RAP1GAP2: variants seen among roughly 807,000 people sequenced by gnomAD.
RAP1GAP2 encodes rap1 GTPase-activating protein 2.
In RAP1GAP2, 27 loss-of-function variants were observed where a neutral mutation model predicts 95.0. That is an observed-to-expected ratio of 0.28 (90% CI 0.21 to 0.39). The LOEUF is 0.39. Ranked by LOEUF, RAP1GAP2 falls within the 10% of genes least tolerant of loss-of-function variation. The pLI, the probability that RAP1GAP2 is intolerant of heterozygous loss-of-function variation, is 1.00. For synonymous variants in RAP1GAP2, 373 were observed against 380.9 expected (o/e 0.98, Z 0.24); for missense variants, 771 against 970.0 (o/e 0.79, Z 2.72).
chr17:2,848,701 A>AT (rs1331529056), intron 2 of RAP1GAP2, among the ~76,000 whole-genome samples: 16 of 151,928 alleles, frequency 1.1e-4, no homozygotes, highest in African/African-American at 3.9e-4. Flanking sequence ...TTTAGTAGAG[A>AT]CGGGGTTTCA....
intron 3 of RAP1GAP2, among the ~76,000 whole-genome samples, chr17:2,931,280 T>TTATGTGTG (rs1491294566): frequency 6.8e-6 from 1 of 146,666 alleles, no homozygotes; most frequent in Non-Finnish European, 1.5e-5. Context: ...TGAGTGTTTC[T>TTATGTGTG]TGTGTGTGTG....
intron 2 of RAP1GAP2, among the ~76,000 whole-genome samples, chr17:2,834,705 G>C (rs1476250175): frequency 6.6e-6 from 1 of 152,046 alleles, no homozygotes; most frequent in East Asian, 1.9e-4. Flanking sequence ...GCTGAAGTGG[G>C]AGGACTGCTT....
chr17:2,859,531 G>A (rs557195344), intron 2 of RAP1GAP2, among the ~76,000 whole-genome samples: 1 of 151,922 alleles, frequency 6.6e-6, no homozygotes, highest in Non-Finnish European at 1.5e-5. Flanking sequence ...CGCCTCCTGG[G>A]CTCGAGTGAT....
chr17:3,028,131 C>T (rs1183153328), intron 22 of RAP1GAP2, among the ~76,000 whole-genome samples: 1 of 150,998 alleles, frequency 6.6e-6, no homozygotes, highest in Non-Finnish European at 1.5e-5. Context: ...TTTCTCCAAG[C>T]AGAAAATGAA....
chr17:2,932,416 C>T (rs1272654505), intron 3 of RAP1GAP2, among the ~76,000 whole-genome samples: 2 of 151,826 alleles, frequency 1.3e-5, no homozygotes, highest in East Asian at 1.9e-4. Flanking sequence ...GTGTGGGACC[C>T]GGAGCTCAGG....
intron 1 of RAP1GAP2, among the ~76,000 whole-genome samples, chr17:2,760,937 A>AT (rs1475086545): frequency 1.4e-5 from 2 of 138,784 alleles, no homozygotes; most frequent in African/African-American, 5.7e-5. Context: ...GATGGGTGCC[A>AT]TTTTCTTTTC....
intron 2 of RAP1GAP2, among the ~76,000 whole-genome samples, chr17:2,810,692 G>A (rs1052105249): frequency 3.3e-5 from 5 of 151,800 alleles, no homozygotes; most frequent in African/African-American, 9.7e-5. Context: ...CACCACACCC[G>A]GCTAATTTTT....
chr17:2,872,051 T>C (rs2072868199), intron 2 of RAP1GAP2, among the ~76,000 whole-genome samples: 1 of 151,788 alleles, frequency 6.6e-6, no homozygotes, highest in African/African-American at 2.4e-5. Flanking sequence ...TGGTCTCTAC[T>C]AAAAATACAA....
At chr17:2,976,411 GAA>G (rs1250298826) in intron 8 of RAP1GAP2, among the ~76,000 whole-genome samples, 1 of 151,976 alleles carries the variant, frequency 6.6e-6, no homozygotes, top group Non-Finnish European at 1.5e-5. Flanking sequence ...TACTGGAGGG[GAA>G]AAAATCTCAT....
At chr17:2,995,882 G>A (rs375300046) in intron 13 of RAP1GAP2, among the ~76,000 whole-genome samples, 24 of 152,290 alleles carry the variant, frequency 1.6e-4, no homozygotes, top group African/African-American at 5.5e-4. Flanking sequence ...GCAGATGGGG[G>A]CCTGAAGCCG....
chr17:2,833,508 G>A (rs1354768366), intron 2 of RAP1GAP2, among the ~76,000 whole-genome samples: 6 of 151,652 alleles, frequency 4.0e-5, no homozygotes. Context: ...GGCTAACACG[G>A]TGAAACCCCG....
chr17:2,817,669 T>C (rs60316976), intron 2 of RAP1GAP2, among the ~76,000 whole-genome samples: 75,535 of 113,412 alleles, frequency 0.67, 32,627 homozygotes, highest in African/African-American at 0.9. Context: ...CACAGGCGCC[T>C]GCCACCACAC....
chr17:2,768,270 C>T (rs2068314572), intron 1 of RAP1GAP2, among the ~76,000 whole-genome samples: 1 of 152,174 alleles, frequency 6.6e-6, no homozygotes, highest in South Asian at 2.1e-4. Context: ...AAGTGACATT[C>T]CCACTGATAA....
At chr17:2,975,297 T>G (rs2045063160) in intron 8 of RAP1GAP2, among the ~76,000 whole-genome samples, 1 of 152,114 alleles carries the variant, frequency 6.6e-6, no homozygotes. Flanking sequence ...ATAAATAGAT[T>G]AAATTAGCCT....
At chr17:2,978,652 G>A (rs911071387) in intron 8 of RAP1GAP2, among the ~76,000 whole-genome samples, 2 of 152,126 alleles carry the variant, frequency 1.3e-5, no homozygotes, top group Admixed American at 6.6e-5. Context: ...AATTGACTTC[G>A]GCCGGGTGCT....
chr17:2,998,442 A>G (rs2046041857), intron 14 of RAP1GAP2, 66 bp downstream of exon 14: 3 of 1,551,278 alleles, frequency 1.9e-6, no homozygotes, highest in Non-Finnish European at 2.7e-6. Flanking sequence ...GGATGCTGTG[A>G]TATCAGAGGA....
At chr17:2,809,810 C>T (rs2069679212) in intron 2 of RAP1GAP2, among the ~76,000 whole-genome samples, 1 of 152,200 alleles carries the variant, frequency 6.6e-6, no homozygotes, top group South Asian at 2.1e-4. Context: ...GTCAGGACAC[C>T]CCTCTCCAGC....
In RAP1GAP2 at chr17:2,818,104, G is replaced by A. The variant is rs71359183; in HGVS notation, c.80+17554G>A. 1.1e-3 allele frequency among the ~76,000 whole-genome samples: 155 copies of A among 143,974 alleles called. 1 individual carries two copies. Among genetic ancestry groups the A allele is most frequent in the Middle Eastern group, 4.2e-3 (1 of 238 alleles). 94.5% of individuals were successfully genotyped at this position (143,974 alleles called of 152,430 possible). A position where few individuals can be genotyped will look rare whatever the true frequency, so the allele number is the denominator to read the frequency against. On this transcript the variant is annotated intron_variant, in intron 2 of 24. Coordinates refer to ENST00000254695, the MANE Select transcript of RAP1GAP2 (RefSeq NM_015085.5). ...GCCCTCCTCGGCCTCCTAAAGTGCT[G>A]GGATTACAGGCGTGAGCCACTGCGC...
chr17:2,974,097 C>T (rs8074641), intron 8 of RAP1GAP2, among the ~76,000 whole-genome samples: 69,026 of 150,844 alleles, frequency 0.46, 16,381 homozygotes, highest in African/African-American at 0.58. Context: ...ATCCCAGCAC[C>T]TTGGGAGGCC....
Sources: gnomAD v4.1 joint callset for allele counts (sites outside exome capture counted in the v4.1 genomes callset) on GRCh38, gnomAD v4.1.1 for gene constraint, MANE v1.5 for transcripts, NCBI Gene and HGNC (gene_info 2026-07-23, HGNC 2026-07-21) for gene names.